The following SLC6A11 variants were observed in gnomAD, a reference collection of about 807,000 sequenced individuals.
SLC6A11 encodes the protein solute carrier family 6 member 11.
In SLC6A11, 25 loss-of-function variants were observed where a neutral mutation model predicts 74.8. The ratio of observed to expected loss-of-function variants is 0.33; its 90% CI spans 0.24 to 0.47. SLC6A11 has a LOEUF of 0.47. Ranked by LOEUF, SLC6A11 falls within the 20% of genes least tolerant of loss-of-function variation. SLC6A11 has a pLI of 1.00. For missense variants in SLC6A11, 574 were observed against 837.0 expected, an observed-to-expected ratio of 0.69 and a Z score of 3.88; for synonymous variants, 330 against 330.2, an observed-to-expected ratio of 1.00 and a Z score of 0.01.
chr3:10,900,409 C>A (rs1695225853), intron 6 of SLC6A11, among the ~76,000 whole-genome samples: 1 of 152,214 alleles, frequency 6.6e-6, no homozygotes, highest in South Asian at 2.1e-4. Flanking sequence ...GAAAGCAGAG[C>A]ACCCTGCTCT....
chr3:10,868,502 A>G (rs1358411325), intron 5 of SLC6A11, among the ~76,000 whole-genome samples: 1 of 152,262 alleles, frequency 6.6e-6, no homozygotes, highest in Non-Finnish European at 1.5e-5. Flanking sequence ...TAACCTTTAT[A>G]TTCAGAAAGC....
intron 13 of SLC6A11, 163 bp downstream of exon 13, chr3:10,935,362 C>T: frequency 1.6e-6 from 1 of 629,154 alleles, no homozygotes; most frequent in Non-Finnish European, 2.7e-6. Flanking sequence ...TGGTTGTGCC[C>T]AAGGTGTCTC....
rs199917641 is a variant in SLC6A11 at position 10,819,694 on chromosome 3, T to C, written c.392-18T>C. ...GAAAAGATAGACTCAAATTCCTTCC[T>C]TTCTTTTGTCCTTTCAGGCATTGGC... On this transcript the variant is annotated intron_variant, in intron 2 of 13. Coordinates refer to ENST00000254488, the MANE Select transcript of SLC6A11 (RefSeq NM_014229.3). 1 of 1,612,558 alleles carries C rather than the reference T, an allele frequency of 6.2e-7. No individual in the cohort carries two copies. Among genetic ancestry groups the C allele is most frequent in the Admixed American group, 1.7e-5 (1 of 59,818 alleles).
intron 5 of SLC6A11, among the ~76,000 whole-genome samples, chr3:10,864,979 A>G (rs1203247980): frequency 1.3e-5 from 2 of 152,132 alleles, no homozygotes; most frequent in East Asian, 1.9e-4. Flanking sequence ...GTCAAGAGCC[A>G]TTTCCCAGTG....
At chr3:10,878,405 T>C (rs1445165128) in intron 6 of SLC6A11, among the ~76,000 whole-genome samples, 2 of 98,668 alleles carry the variant, frequency 2.0e-5, no homozygotes, top group African/African-American at 1.1e-4. Flanking sequence ...CCACTCATCC[T>C]TTTTTTTTTT....
At chr3:10,936,119 T>C (rs1695757154) in intron 13 of SLC6A11, among the ~76,000 whole-genome samples, 1 of 152,230 alleles carries the variant, frequency 6.6e-6, no homozygotes. Flanking sequence ...TCTGCTTATT[T>C]AGTAAACAGC....
chr3:10,842,278 C>T (rs1391709946), intron 4 of SLC6A11, among the ~76,000 whole-genome samples: 2 of 152,172 alleles, frequency 1.3e-5, no homozygotes, highest in East Asian at 1.9e-4. Flanking sequence ...TCCTTCATTA[C>T]CAAGAAACTC....
intron 5 of SLC6A11, among the ~76,000 whole-genome samples, chr3:10,870,920 A>G (rs999333240): frequency 5.3e-5 from 8 of 152,238 alleles, no homozygotes; most frequent in Non-Finnish European, 1.0e-4. Flanking sequence ...ATTCATTTGA[A>G]TATTTTATTT....
chr3:10,870,916 T>C (rs1337629348), intron 5 of SLC6A11, among the ~76,000 whole-genome samples: 3 of 152,218 alleles, frequency 2.0e-5, no homozygotes, highest in Non-Finnish European at 2.9e-5. Context: ...GGCAATTCAT[T>C]TGAATATTTT....
chr3:10,897,726 G>C (rs539530097), intron 6 of SLC6A11, among the ~76,000 whole-genome samples: 4 of 152,192 alleles, frequency 2.6e-5, no homozygotes, highest in Non-Finnish European at 5.9e-5. Context: ...GGTGCAAACT[G>C]TCAGTGTATC....
chr3:10,863,594 T>C (rs2106596117), intron 5 of SLC6A11, among the ~76,000 whole-genome samples: 1 of 152,234 alleles, frequency 6.6e-6, no homozygotes, highest in East Asian at 1.9e-4. Context: ...TGTTGCAGGC[T>C]GTGACAGGAG....
chr3:10,882,997 C>T (rs566018310), intron 6 of SLC6A11, among the ~76,000 whole-genome samples: 3 of 152,254 alleles, frequency 2.0e-5, no homozygotes, highest in South Asian at 4.1e-4. Context: ...TCATTTTTGC[C>T]TCCACCTTGC....
chr3:10,918,991 C>T lies in SLC6A11; in HGVS notation c.1120+538C>T, dbSNP rs1453497744. 1.3e-5 allele frequency among the ~76,000 whole-genome samples: 2 copies of T among 152,146 alleles called. No homozygotes were observed. The highest frequency in any genetic ancestry group is 2.4e-5 in the African/African-American group (1 of 41,416). ...CACCTACGATTCCCCCACACTCACT[C>T]GGTCCCACCACAGCGGTCTGCTTCA... On this transcript the variant is annotated intron_variant, in intron 8 of 13. Transcript: ENST00000254488. This position sits in a 1 kb window ranked among gnomAD's most constrained non-coding sequence, Gnocchi z 4.5.
chr3:10,837,414 C>T (rs1180313756), intron 4 of SLC6A11, among the ~76,000 whole-genome samples: 2 of 152,172 alleles, frequency 1.3e-5, no homozygotes, highest in African/African-American at 4.8e-5. Flanking sequence ...CATAATCACA[C>T]AATTCCCCAT....
At chr3:10,870,505 AG>A (rs1299644247) in intron 5 of SLC6A11, among the ~76,000 whole-genome samples, 2 of 152,224 alleles carry the variant, frequency 1.3e-5, no homozygotes, top group Admixed American at 1.3e-4. Context: ...AAGGCACAAG[AG>A]GGAAGAGTGG....
chr3:10,864,556 C>A (rs916319418), intron 5 of SLC6A11, among the ~76,000 whole-genome samples: 6 of 152,094 alleles, frequency 3.9e-5, no homozygotes, highest in African/African-American at 1.4e-4. Flanking sequence ...CAGGCTTCCT[C>A]CCTGTTGGGT....
At chr3:10,837,834 C>G (rs1255968362) in intron 4 of SLC6A11, among the ~76,000 whole-genome samples, 3 of 152,204 alleles carry the variant, frequency 2.0e-5, no homozygotes, top group African/African-American at 7.2e-5. Flanking sequence ...CGGAGTCCCC[C>G]CATAAATGTG....
chr3:10,888,382 G>A (rs1359078576), intron 6 of SLC6A11, among the ~76,000 whole-genome samples: 1 of 152,216 alleles, frequency 6.6e-6, no homozygotes, highest in Non-Finnish European at 1.5e-5. Flanking sequence ...GTTTCGAGGA[G>A]TATGGCAAGG....
intron 6 of SLC6A11, among the ~76,000 whole-genome samples, chr3:10,884,464 A>T (rs1695018733): frequency 6.6e-6 from 1 of 152,262 alleles, no homozygotes; most frequent in African/African-American, 2.4e-5. Flanking sequence ...CTTATAAGTC[A>T]TGAGAATTTT....
Sources: allele counts gnomAD v4.1 joint callset (sites outside exome capture counted in the v4.1 genomes callset), GRCh38; gene constraint gnomAD v4.1.1; non-coding constraint Gnocchi (gnomAD v3.1); transcripts MANE v1.5; gene names NCBI Gene and HGNC (gene_info 2026-07-23, HGNC 2026-07-21).